KLHL1: variants seen among roughly 807,000 people sequenced by gnomAD.
KLHL1 encodes kelch like family member 1, also known as kelch-like protein 1.
KLHL1 carries 47 observed loss-of-function variants against 77.7 expected under a neutral mutation model. The observed-to-expected ratio is 0.60, with a 90% confidence interval of 0.48 to 0.77. KLHL1 has a LOEUF of 0.77. KLHL1 is among the 30% of genes least tolerant of loss of function. The pLI is 0.00. For synonymous variants in KLHL1, 360 were observed against 325.2 expected, an observed-to-expected ratio of 1.11 and a Z score of -1.15; for missense variants, 925 against 910.8, an observed-to-expected ratio of 1.02 and a Z score of -0.20.
At chr13:69,795,214 T>A (rs1022618465) in intron 7 of KLHL1, among the ~76,000 whole-genome samples, 1 of 152,216 alleles carries the variant, frequency 6.6e-6, no homozygotes, top group African/African-American at 2.4e-5. Context: ...GCATTGTCAG[T>A]CATCTTTCCT....
intron 4 of KLHL1, among the ~76,000 whole-genome samples, chr13:69,938,920 T>C (rs1283960117): frequency 6.6e-6 from 1 of 152,068 alleles, no homozygotes; most frequent in Non-Finnish European, 1.5e-5. Flanking sequence ...CATTAGCAAT[T>C]AGAAAAAGTG....
chr13:69,936,697 T>A (rs1883199373), intron 4 of KLHL1, among the ~76,000 whole-genome samples: 1 of 151,926 alleles, frequency 6.6e-6, no homozygotes, highest in Admixed American at 6.6e-5. Flanking sequence ...ATGTTCTAAG[T>A]TTAAAAGATA....
intron 1 of KLHL1, among the ~76,000 whole-genome samples, chr13:70,024,063 T>G (rs2137356014): frequency 6.6e-6 from 1 of 152,050 alleles, no homozygotes; most frequent in Non-Finnish European, 1.5e-5. Context: ...TAGGGTGTTT[T>G]AAAGATTGTT....
chr13:69,756,805 A>G (rs1441941604), intron 7 of KLHL1, among the ~76,000 whole-genome samples: 1 of 152,216 alleles, frequency 6.6e-6, no homozygotes, highest in Non-Finnish European at 1.5e-5. Context: ...TCAGAGAACC[A>G]TGAAAATAAT....
chr13:70,046,524 G>C (rs1403281887), intron 1 of KLHL1, among the ~76,000 whole-genome samples: 5 of 152,164 alleles, frequency 3.3e-5, no homozygotes, highest in Admixed American at 2.6e-4. Flanking sequence ...ATCTCGCTCT[G>C]TTGCCCAGGC....
rs74396935 is a variant in KLHL1, at chr13:69,814,611, T to C, written c.1415-17649A>G. Among the ~76,000 whole-genome samples the C allele has an allele frequency of 5.2e-4, 79 of 152,228 alleles. 2 individuals are homozygous for C. In the East Asian group the frequency reaches 0.012, roughly 24 times the overall value. Reference sequence around the variant, plus strand: ...AGATACATCTCAATAGAAACATACATGTGACCAAGAAACATAAAAAATACT... The same window carrying C: ...AGATACATCTCAATAGAAACATACACGTGACCAAGAAACATAAAAAATACT... On this transcript the variant is annotated intron_variant, in intron 6 of 10. Transcript: ENST00000377844.
chr13:69,822,406 A>G (rs1451964007), intron 6 of KLHL1, among the ~76,000 whole-genome samples: 2 of 152,220 alleles, frequency 1.3e-5, no homozygotes, highest in Non-Finnish European at 2.9e-5. Flanking sequence ...TTAAAAGGTC[A>G]TGTTTTTGAT....
chr13:69,812,417 A>G (rs1877922353), intron 6 of KLHL1, among the ~76,000 whole-genome samples: 1 of 152,232 alleles, frequency 6.6e-6, no homozygotes, highest in Admixed American at 6.5e-5. Context: ...GGCATAGGCA[A>G]GGACTTCATG....
chr13:69,823,807 A>G (rs1207859390), intron 6 of KLHL1, among the ~76,000 whole-genome samples: 1 of 151,984 alleles, frequency 6.6e-6, no homozygotes, highest in Non-Finnish European at 1.5e-5. Flanking sequence ...CTCTGTAATC[A>G]TTGAAATTTT....
intron 1 of KLHL1, among the ~76,000 whole-genome samples, chr13:70,000,740 C>A (rs1410532640): frequency 6.6e-6 from 1 of 151,376 alleles, no homozygotes; most frequent in East Asian, 1.9e-4. Flanking sequence ...CAAATAACAG[C>A]ATTACATTTA....
At chr13:69,781,970 T>TA (rs1876238139) in intron 7 of KLHL1, among the ~76,000 whole-genome samples, 1 of 152,228 alleles carries the variant, frequency 6.6e-6, no homozygotes, top group Non-Finnish European at 1.5e-5. Context: ...AAAACTTTTA[T>TA]TCAATACTCA....
rs1037187270 is a variant in KLHL1, at chr13:70,102,103, T to C, written c.497+5100A>G. Among the ~76,000 whole-genome samples the C allele has an allele frequency of 7.2e-5, 11 of 152,276 alleles. 1 individual carries two copies. Among genetic ancestry groups the C allele is most frequent in the Admixed American group, 3.3e-4 (5 of 15,290 alleles). On this transcript the variant is annotated intron_variant, in intron 1 of 10. Transcript: ENST00000377844. The stretch of plus-strand genomic sequence containing the variant: ...CCACGTTCCTGAGAAAGTAGTCCTT[T>C]ATCATTTTCAAAGTTGGTTATCCCC...
At chr13:69,862,185 A>G (rs937194170) in intron 5 of KLHL1, among the ~76,000 whole-genome samples, 1 of 151,968 alleles carries the variant, frequency 6.6e-6, no homozygotes, top group African/African-American at 2.4e-5. Flanking sequence ...GAAGCAAATT[A>G]CACATATATT....
intron 5 of KLHL1, among the ~76,000 whole-genome samples, chr13:69,854,018 C>G (rs2911524): frequency 6.6e-6 from 1 of 151,812 alleles, no homozygotes; most frequent in Non-Finnish European, 1.5e-5. Context: ...ACTTCCTATC[C>G]CAAGAAAAGA....
rs1005649444 is a variant in KLHL1 at position 69,701,048 on chromosome 13, C to T, written c.*654G>A. ...TTTGTGTTTGCCAGTTTCAGATTGC[C>T]AATATGGTTGCAATAAAATTCAACC... is the stretch of plus-strand genomic sequence containing the variant. On this transcript the variant is annotated 3_prime_UTR_variant, in exon 11 of 11. Coordinates refer to ENST00000377844, the MANE Select transcript of KLHL1 (RefSeq NM_020866.3). 2.6e-5 allele frequency: 4 copies of T among 152,202 alleles called. No homozygotes were observed. Among genetic ancestry groups the T allele is most frequent in the Admixed American group, 6.6e-5 (1 of 15,208 alleles). The allele number at this position is 152,202 out of a possible 1,614,324, so 9.4% of individuals were successfully genotyped here. A position where few individuals can be genotyped will look rare whatever the true frequency, so the allele number is the denominator to read the frequency against.
chr13:69,783,645 G>A (rs911852265), intron 7 of KLHL1, among the ~76,000 whole-genome samples: 2 of 144,884 alleles, frequency 1.4e-5, no homozygotes, highest in Non-Finnish European at 3.0e-5. Flanking sequence ...AAAAAGAAAC[G>A]AACAAAGCCT....
In KLHL1 at chr13:69,986,576, C is replaced by T. The variant is rs182815681; in HGVS notation, c.498-10774G>A. Among the ~76,000 whole-genome samples, 7 of 152,032 alleles carry T rather than the reference C, an allele frequency of 4.6e-5. No homozygotes were observed. The South Asian group carries it at 1.0e-3, about 22-fold the overall frequency. On this transcript the variant is annotated intron_variant, in intron 1 of 10. Coordinates refer to ENST00000377844, the MANE Select transcript of KLHL1 (RefSeq NM_020866.3). ...ATTACCATAAATTTAGAAAACTATG[C>T]GAATTACATTCTGCTGCTTGTTTTA...
intron 4 of KLHL1, chr13:69,894,619 C>A (rs1881563436): frequency 6.3e-6 from 1 of 158,458 alleles, no homozygotes; most frequent in African/African-American, 2.4e-5. Flanking sequence ...CTCAGTAATT[C>A]TAAAAAAGTT....
Position 69,951,985 on chromosome 13 carries a change from G to T in KLHL1, c.817+9323C>A, listed in dbSNP as rs1883725768. Among the ~76,000 whole-genome samples the T allele has an allele frequency of 2.6e-5, 4 of 151,406 alleles. No homozygotes were observed. The South Asian group carries it at 8.3e-4, about 31-fold the overall frequency. ...TCCGAGCACATTGAGTTATGTCATA[G>T]ATTATGTGACTGTTATTTCCCCTCT... On this transcript the variant is annotated intron_variant, in intron 3 of 10. Coordinates refer to ENST00000377844, the MANE Select transcript of KLHL1 (RefSeq NM_020866.3).
Sources: gnomAD v4.1 joint callset for allele counts (sites outside exome capture counted in the v4.1 genomes callset) on GRCh38, gnomAD v4.1.1 for gene constraint, MANE v1.5 for transcripts, NCBI Gene and HGNC (gene_info 2026-07-23, HGNC 2026-07-21) for gene names.